SPHKAP: variants seen among roughly 807,000 people sequenced by gnomAD.
The protein encoded by SPHKAP is A-kinase anchor protein SPHKAP.
SPHKAP carries 67 observed loss-of-function variants against 137.5 expected under a neutral mutation model. The ratio of observed to expected loss-of-function variants is 0.49; its 90% CI spans 0.40 to 0.60. SPHKAP has a LOEUF of 0.60. SPHKAP is among the 20% of genes least tolerant of loss of function. SPHKAP has a pLI of 0.00. For synonymous variants in SPHKAP, 813 were observed against 785.3 expected (o/e 1.04, Z -0.59); for missense variants, 2,097 against 2,069.3 (o/e 1.01, Z -0.26).
intron 1 of SPHKAP, among the ~76,000 whole-genome samples, chr2:228,164,096 G>A (rs1700353263): frequency 6.6e-6 from 1 of 152,148 alleles, no homozygotes. Flanking sequence ...AAGAAGATGG[G>A]ATAACTTCCC....
chr2:228,181,552 A>G lies in SPHKAP; in HGVS notation c.32+15T>C, dbSNP rs763921012. The G allele has an allele frequency of 7.4e-6, 12 of 1,614,088 alleles. No homozygotes were observed. The South Asian group carries it at 1.3e-4, about 18-fold the overall frequency. The stretch of plus-strand genomic sequence containing the variant: ...GATCGACATGGTATTGGGCATAGAA[A>G]GAAGCGGGTCTTACCTTGGTACCGA... On this transcript the variant is annotated intron_variant, in intron 1 of 11. Coordinates refer to ENST00000392056, the MANE Select transcript of SPHKAP (RefSeq NM_001142644.2). The surrounding 1 kb of genome is among the most constrained non-coding windows in gnomAD (Gnocchi z 4.3).
At chr2:228,123,536 C>T (rs960981186) in intron 2 of SPHKAP, among the ~76,000 whole-genome samples, 4 of 152,176 alleles carry the variant, frequency 2.6e-5, no homozygotes, top group Non-Finnish European at 4.4e-5. Context: ...ACAGCTTCTA[C>T]AAATACAGAA....
At chr2:228,028,861 T>C (rs1000621059) in intron 3 of SPHKAP, among the ~76,000 whole-genome samples, 13 of 152,208 alleles carry the variant, frequency 8.5e-5, no homozygotes, top group Non-Finnish European at 1.6e-4. Context: ...ATATACCACA[T>C]AGTTAGAAAA....
At chr2:228,045,501 A>C (rs949158591) in intron 3 of SPHKAP, among the ~76,000 whole-genome samples, 7 of 151,702 alleles carry the variant, frequency 4.6e-5, no homozygotes, top group African/African-American at 1.7e-4. Context: ...CGCAAGGACA[A>C]AAAACCAAAC....
intron 1 of SPHKAP, among the ~76,000 whole-genome samples, chr2:228,155,638 G>T (rs1432573479): frequency 6.6e-6 from 1 of 152,112 alleles, no homozygotes; most frequent in Non-Finnish European, 1.5e-5. Context: ...GGCATAGCAG[G>T]TTTATGCTGT....
chr2:228,132,843 C>CAAAAAAAAAAAAA lies in SPHKAP; in HGVS notation c.33-759_33-758insTTTTTTTTTTTTT, dbSNP rs1313392929. Among the ~76,000 whole-genome samples, 13 of 126,258 alleles carry CAAAAAAAAAAAAA rather than the reference C, an allele frequency of 1.0e-4. 1 individual carries two copies. Among genetic ancestry groups the CAAAAAAAAAAAAA allele is most frequent in the East Asian group, 2.6e-4 (1 of 3,892 alleles). 82.8% of individuals were successfully genotyped at this position (126,258 alleles called of 152,430 possible). A position where few individuals can be genotyped will look rare whatever the true frequency, so the allele number is the denominator to read the frequency against. ...TGAAACCCTGTTTCTACTAAAAATA[C>CAAAAAAAAAAAAA]AAAAAAAAAAATAAGCCAGGTGTGG... On this transcript the variant is annotated intron_variant, in intron 1 of 11. Coordinates refer to ENST00000392056, the MANE Select transcript of SPHKAP (RefSeq NM_001142644.2).
At chr2:228,163,737 A>G (rs1574910885) in intron 1 of SPHKAP, among the ~76,000 whole-genome samples, 1 of 152,314 alleles carries the variant, frequency 6.6e-6, no homozygotes, top group South Asian at 2.1e-4. Context: ...TGCATGACGT[A>G]TGACCAACCT....
intron 4 of SPHKAP, chr2:228,025,875 G>A (rs553153337): frequency 2.0e-6 from 2 of 984,702 alleles, no homozygotes; most frequent in South Asian, 9.4e-5. Context: ...AACATTTTTT[G>A]TTTTAACTAA....
chr2:228,092,577 ATAT>A (rs1383707778), intron 3 of SPHKAP, among the ~76,000 whole-genome samples: 1 of 143,402 alleles, frequency 7.0e-6, no homozygotes, highest in East Asian at 2.0e-4. Context: ...ATATATGTGT[ATAT>A]TATATGTGTA....
chr2:228,064,138 A>G (rs1427813172), intron 3 of SPHKAP, among the ~76,000 whole-genome samples: 1 of 152,228 alleles, frequency 6.6e-6, no homozygotes, highest in Admixed American at 6.5e-5. Flanking sequence ...TAAAAATGAT[A>G]ACATTGGAAT....
intron 3 of SPHKAP, among the ~76,000 whole-genome samples, chr2:228,101,022 C>T (rs1574850105): frequency 1.3e-5 from 2 of 152,172 alleles, no homozygotes; most frequent in South Asian, 4.1e-4. Flanking sequence ...TGCACATTCT[C>T]CCTGGTTGGC....
chr2:228,001,715 C>T (rs1426926401), intron 7 of SPHKAP, among the ~76,000 whole-genome samples: 4 of 151,742 alleles, frequency 2.6e-5, no homozygotes, highest in Non-Finnish European at 5.9e-5. Context: ...GCTATCCCTC[C>T]CCGCTCCCCG....
chr2:228,132,523 T>C (rs866863744), intron 1 of SPHKAP: 12 of 885,992 alleles, frequency 1.4e-5, no homozygotes, highest in Middle Eastern at 1.1e-3. Flanking sequence ...CTCAGAATAG[T>C]ACCATTAAAA....
chr2:227,990,963 C>T, intron 11 of SPHKAP, 37 bp downstream of exon 11: 1 of 1,602,186 alleles, frequency 6.2e-7, no homozygotes, highest in Non-Finnish European at 8.5e-7. Flanking sequence ...GATGAAAACA[C>T]AAAGCTTTCT....
intron 3 of SPHKAP, among the ~76,000 whole-genome samples, chr2:228,055,141 C>A (rs372538190): frequency 2.7e-5 from 3 of 111,910 alleles, no homozygotes; most frequent in Non-Finnish European, 3.7e-5. Context: ...AAACTCCACT[C>A]CAAAAAAAAA....
chr2:228,133,657 G>C (rs13389371), intron 1 of SPHKAP, among the ~76,000 whole-genome samples: 3 of 151,980 alleles, frequency 2.0e-5, no homozygotes, highest in Admixed American at 2.0e-4. Flanking sequence ...CATGTAGATG[G>C]TTTCTCTTAA....
chr2:228,067,107 T>C (rs1197156596), intron 3 of SPHKAP, among the ~76,000 whole-genome samples: 2 of 152,214 alleles, frequency 1.3e-5, no homozygotes, highest in African/African-American at 4.8e-5. Flanking sequence ...CTTGGTTTTT[T>C]ATGTTGTCGT....
chr2:228,107,792 T>A (rs1028899938), intron 3 of SPHKAP, among the ~76,000 whole-genome samples: 1 of 152,200 alleles, frequency 6.6e-6, no homozygotes, highest in Non-Finnish European at 1.5e-5. Context: ...TGCCACTTAA[T>A]TCTTTGTGTT....
At chr2:228,147,966 C>G (rs1559199901) in intron 1 of SPHKAP, among the ~76,000 whole-genome samples, 1 of 152,216 alleles carries the variant, frequency 6.6e-6, no homozygotes, top group African/African-American at 2.4e-5. Context: ...TGCATTTAAT[C>G]AAGAGGCTTA....
Sources: allele counts gnomAD v4.1 joint callset (sites outside exome capture counted in the v4.1 genomes callset), GRCh38; gene constraint gnomAD v4.1.1; non-coding constraint Gnocchi (gnomAD v3.1); transcripts MANE v1.5; gene names NCBI Gene and HGNC (gene_info 2026-07-23, HGNC 2026-07-21).